The following CHRNA1 variants were observed in gnomAD, a reference collection of about 807,000 sequenced individuals.
CHRNA1 encodes the protein cholinergic receptor nicotinic alpha 1 subunit.
CHRNA1 carries 35 observed loss-of-function variants against 47.1 expected under a neutral mutation model. That is an observed-to-expected ratio of 0.74 (90% CI 0.57 to 0.99). The LOEUF (loss-of-function observed/expected upper bound fraction) is 0.99, where lower values mean the gene tolerates loss of function less well. CHRNA1 is among the 50% of genes least tolerant of loss of function. CHRNA1 has a pLI of 0.00. For synonymous variants in CHRNA1, 229 were observed against 223.6 expected (o/e 1.02, Z -0.22); for missense variants, 506 against 591.1 (o/e 0.86, Z 1.49).
At chr2:174,756,210 C>G (rs1432846827) in intron 4 of CHRNA1, among the ~76,000 whole-genome samples, 1 of 152,134 alleles carries the variant, frequency 6.6e-6, no homozygotes. Context: ...TTTCTGCCGG[C>G]CTTATTCAGT....
intron 6 of CHRNA1, 145 bp downstream of exon 6, chr2:174,753,358 G>T (rs753193): frequency 2.3e-6 from 2 of 856,962 alleles, no homozygotes; most frequent in Non-Finnish European, 4.1e-6. Flanking sequence ...CACTGCGCAC[G>T]CCCACTCAGC....
rs1255364440 is a variant in CHRNA1, at chr2:174,750,075, C to T, written c.873G>A (p.Val291=). 7.4e-6 allele frequency: 12 copies of T among 1,613,676 alleles called. No individual in the cohort carries two copies. The highest frequency in any genetic ancestry group is 1.3e-5 in the African/African-American group (1 of 74,736). The change falls in exon 7 of 9, where the codon GTG becomes GTA. Residue 291 remains valine (V), a synonymous_variant. Transcript: ENST00000348749. ...ACAGCATGTATTTTCCAATCAAGGG[C>T]ACAGCACTGGACGTGGAGGGGATCA... ...VELIPSTSSA[V]PLIGKYMLFT... is the part of the protein sequence containing the mutation.
At chr2:174,755,775 C>T (rs887275970) in intron 4 of CHRNA1, among the ~76,000 whole-genome samples, 15 of 152,058 alleles carry the variant, frequency 9.9e-5, no homozygotes, top group Non-Finnish European at 5.9e-5. Flanking sequence ...GTGGCTCATG[C>T]CTGTAATCCC....
At chr2:174,750,246 C>T (rs1399129587) in intron 6 of CHRNA1, 77 bp from the exon 7 acceptor site, 26 of 1,109,064 alleles carry the variant, frequency 2.3e-5, no homozygotes, top group Non-Finnish European at 3.3e-5. Flanking sequence ...TCCCACCCCA[C>T]CATTTATATG....
Position 174,747,983 on chromosome 2 carries a change from G to C in CHRNA1, c.*141C>G. The C allele has an allele frequency of 9.0e-7, 1 of 1,110,946 alleles. No homozygotes were observed. Among genetic ancestry groups the C allele is most frequent in the South Asian group, 1.3e-5 (1 of 74,808 alleles). 68.8% of individuals were successfully genotyped at this position (1,110,946 alleles called of 1,614,324 possible). On this transcript the variant is annotated 3_prime_UTR_variant, in exon 9 of 9. Transcript: ENST00000348749. ...CTTCAAGGCCATAAACTTACATAAA[G>C]GTAAATCTTATCATCAATAATAAGT...
intron 1 of CHRNA1, among the ~76,000 whole-genome samples, chr2:174,761,708 C>T (rs1009958737): frequency 1.3e-5 from 2 of 152,198 alleles, no homozygotes; most frequent in African/African-American, 2.4e-5. Context: ...AAGCCACCTG[C>T]ATTTGAGGAC....
chr2:174,759,745 G>A (rs988229304), intron 1 of CHRNA1, 112 bp from the exon 2 acceptor site: 3 of 1,385,338 alleles, frequency 2.2e-6, no homozygotes, highest in African/African-American at 2.9e-5. Context: ...TCTAACAGAA[G>A]GCACACAGGC....
In CHRNA1 at chr2:174,748,194, A is replaced by C. The variant is rs1206611410; in HGVS notation, c.1304T>G (p.Met435Arg). 6.2e-7 allele frequency: 1 copy of C among 1,614,172 alleles called. No individual in the cohort carries two copies. Among genetic ancestry groups the C allele is most frequent in the South Asian group, 1.1e-5 (1 of 91,080 alleles). The change falls in exon 9 of 9, where the codon ATG (methionine) becomes AGG (arginine). Residue 435 changes from methionine (M) to arginine (R), a missense_variant. Transcript: ENST00000348749. ...VMDHILLGVF[M>R]LVCIIGTLAV... ...TAGGGTTCCGATGATGCAAACAAGC[A>C]TGAAGACTCCGAGGAGTATGTGGTC...
intron 6 of CHRNA1, among the ~76,000 whole-genome samples, chr2:174,751,607 T>C (rs2105346383): frequency 6.6e-6 from 1 of 152,204 alleles, no homozygotes; most frequent in African/African-American, 2.4e-5. Flanking sequence ...ATAATAATAA[T>C]AGCCAACATT....
chr2:174,754,308 T>C lies in CHRNA1; in HGVS notation c.451A>G (p.Ile151Val), dbSNP rs560121316. The C allele has an allele frequency of 3.1e-6, 5 of 1,614,178 alleles. No individual in the cohort carries two copies. Among genetic ancestry groups the C allele is most frequent in the Non-Finnish European group, 4.2e-6 (5 of 1,179,998 alleles). ...PAIFKSYCEI[I>V]VTHFPFDEQN... Reference sequence around the variant, plus strand: ...TCATCAAAGGGAAAGTGGGTGACGATGATCTCACAGTAGCTTTTAAAGATG... The same window carrying C: ...TCATCAAAGGGAAAGTGGGTGACGACGATCTCACAGTAGCTTTTAAAGATG... Residue 151 changes from isoleucine to valine, a missense_variant, in exon 5 of 9, where the codon ATC (isoleucine) becomes GTC (valine). Transcript: ENST00000348749.
Position 174,759,395 on chromosome 2 carries a change from T to A in CHRNA1, c.190-20A>T, listed in dbSNP as rs1684047363. The A allele has an allele frequency of 6.2e-7, 1 of 1,613,872 alleles. No homozygotes were observed. The highest frequency in any genetic ancestry group is 8.5e-7 in the Non-Finnish European group (1 of 1,179,960). ...TTCATCCTGGAAAAAAAAATAAGGA[T>A]CATTTTTATGGGGGAGAGAGGGGAC... is the stretch of plus-strand genomic sequence containing the variant. On this transcript the variant is annotated intron_variant, in intron 2 of 8. Coordinates refer to ENST00000348749, the MANE Select transcript of CHRNA1 (RefSeq NM_000079.4).
At chr2:174,757,988 G>A (rs776760955) in intron 3 of CHRNA1, 22 of 1,612,504 alleles carry the variant, frequency 1.4e-5, no homozygotes, top group East Asian at 8.9e-5. Context: ...CCAAAGTCAC[G>A]CAGCTGGGGC....
Position 174,750,054 on chromosome 2 carries a change from C to G in CHRNA1, c.894G>C (p.Met298Ile), listed in dbSNP as rs1377577817. ...CAATGACGAACACCATGGTGAACAG[C>G]ATGTATTTTCCAATCAAGGGCACAG... Reference protein sequence around the residue: ...SSAVPLIGKYMLFTMVFVIAS... With the variant: ...SSAVPLIGKYILFTMVFVIAS... Residue 298 changes from methionine (M) to isoleucine (I), a missense_variant, in exon 7 of 9, where the codon ATG becomes ATC. Transcript: ENST00000348749. 1 of 1,614,016 alleles carries G rather than the reference C, an allele frequency of 6.2e-7. No individual in the cohort carries two copies. Among genetic ancestry groups the G allele is most frequent in the Admixed American group, 1.7e-5 (1 of 60,010 alleles).
Position 174,750,171 on chromosome 2 carries a change from TG to T in CHRNA1, c.779-3del. 3 of 1,509,894 alleles carry T rather than the reference TG, an allele frequency of 2.0e-6. No individual in the cohort carries two copies. The Admixed American group carries it at 5.9e-5, about 30-fold the overall frequency. 93.5% of individuals were successfully genotyped at this position (1,509,894 alleles called of 1,614,324 possible). ...AGATGCTCAGAGTCATCTTCTCCCC[TG>T]AAAAGACCAAAAAAAAAAAAAAAAA... is the stretch of plus-strand genomic sequence containing the variant. On this transcript the variant is annotated splice_region_variant and splice_polypyrimidine_tract_variant and intron_variant, in intron 6 of 8. Coordinates refer to ENST00000348749, the MANE Select transcript of CHRNA1 (RefSeq NM_000079.4).
chr2:174,750,179 C>CA lies in CHRNA1; in HGVS notation c.779-11_779-10insT. 7.2e-7 allele frequency: 1 copy of CA among 1,393,138 alleles called. No individual in the cohort carries two copies. The highest frequency in any genetic ancestry group is 1.3e-5 in the South Asian group (1 of 77,946). The allele number at this position is 1,393,138 out of a possible 1,614,324, so 86.3% of individuals were successfully genotyped here. ...AGAGTCATCTTCTCCCCTGAAAAGA[C>CA]CAAAAAAAAAAAAAAAAATCCCACA... On this transcript the variant is annotated splice_polypyrimidine_tract_variant and intron_variant, in intron 6 of 8. Coordinates refer to ENST00000348749, the MANE Select transcript of CHRNA1 (RefSeq NM_000079.4).
intron 3 of CHRNA1, 197 bp from the exon 4 acceptor site, chr2:174,757,872 T>G: frequency 3.0e-6 from 3 of 986,224 alleles, no homozygotes; most frequent in Non-Finnish European, 4.8e-6. Flanking sequence ...GTGCTCACAC[T>G]GTTTCAAACA....
intron 1 of CHRNA1, among the ~76,000 whole-genome samples, chr2:174,760,547 G>C (rs1286464395): frequency 1.3e-5 from 2 of 152,114 alleles, no homozygotes; most frequent in African/African-American, 4.8e-5. Flanking sequence ...ACCAGGGACT[G>C]GGGGGGAGAG....
chr2:174,754,144 T>G, intron 5 of CHRNA1, 75 bp downstream of exon 5: 1 of 1,366,250 alleles, frequency 7.3e-7, no homozygotes, highest in Non-Finnish European at 1.0e-6. Flanking sequence ...GAGCCTATGA[T>G]TGTCCAAGGA....
Position 174,753,527 on chromosome 2 carries a change from C to A in CHRNA1, c.754G>T (p.Val252Leu). 6.2e-7 allele frequency: 1 copy of A among 1,614,098 alleles called. No homozygotes were observed. Among genetic ancestry groups the A allele is most frequent in the East Asian group, 2.2e-5 (1 of 44,886 alleles). ...CCTGAGTCTGTGGGCAGGTAGAATA[C>A]CAGGCCAGTTAAGAAGGAGAAGAGC... ...CLLFSFLTGL[V>L]FYLPTDSGEK... Residue 252 changes from valine to leucine, a missense_variant, in exon 6 of 9, where the codon GTA (valine) becomes TTA (leucine). By Grantham distance (32) the Val-to-Leu change is conservative (BLOSUM62 1). Transcript: ENST00000348749.
Sources: allele counts gnomAD v4.1 joint callset (sites outside exome capture counted in the v4.1 genomes callset), GRCh38; gene constraint gnomAD v4.1.1; transcripts MANE v1.5; gene names NCBI Gene and HGNC (gene_info 2026-07-23, HGNC 2026-07-21).